LMF1: variants seen among roughly 807,000 people sequenced by gnomAD.
LMF1 encodes transmembrane protein 112.
Under a neutral mutation model 60.6 loss-of-function variants are expected in LMF1, and 68 were observed. The ratio of observed to expected loss-of-function variants is 1.12; its 90% CI spans 0.92 to 1.37. LMF1 has a LOEUF of 1.37. LMF1 is among the 40% of genes most tolerant of loss of function. LMF1 has a pLI of 0.00. For missense variants in LMF1, 948 were observed against 767.2 expected (o/e 1.24, Z -2.78); for synonymous variants, 418 against 324.7 (o/e 1.29, Z -3.09).
At chr16:919,881 G>A (rs1247278996) in intron 3 of LMF1, among the ~76,000 whole-genome samples, 1 of 152,098 alleles carries the variant, frequency 6.6e-6, no homozygotes, top group Non-Finnish European at 1.5e-5. Context: ...CTCCGCCCCG[G>A]GACCCCCTTC....
chr16:970,528 T>C (rs572576281), intron 1 of LMF1, among the ~76,000 whole-genome samples: 3 of 152,162 alleles, frequency 2.0e-5, no homozygotes, highest in East Asian at 3.9e-4. Flanking sequence ...GCCGTGCAAC[T>C]TCGGGGCTGC....
chr16:954,594 ACT>A lies in LMF1; in HGVS notation c.264_265del (p.Arg88SerfsTer75), dbSNP rs774545767. ...GTACTGCTGGAAGTTCTTCAGGAACACTCTGCAGGGAAGCAGCCCCCTGTCAC... is the reference window on the plus strand; with the variant it reads ...GTACTGCTGGAAGTTCTTCAGGAACACTGCAGGGAAGCAGCCCCCTGTCAC... On this transcript the variant is annotated frameshift_variant, in exon 2 of 11. Coordinates refer to ENST00000262301, the MANE Select transcript of LMF1 (RefSeq NM_022773.4). LOFTEE classifies it high-confidence loss of function. The A allele has an allele frequency of 1.9e-6, 3 of 1,612,578 alleles. No individual in the cohort carries two copies. Among genetic ancestry groups the A allele is most frequent in the Admixed American group, 1.7e-5 (1 of 60,004 alleles).
At chr16:856,455 C>A (rs2069187187) in intron 10 of LMF1, among the ~76,000 whole-genome samples, 1 of 152,190 alleles carries the variant, frequency 6.6e-6, no homozygotes, top group East Asian at 1.9e-4. Context: ...AATGCAGTCC[C>A]CAGGCAGGCC....
At chr16:975,464 G>A (rs4984741), upstream of LMF1, among the ~76,000 whole-genome samples, 46,189 of 152,112 alleles carry the variant, frequency 0.3, 7,502 homozygotes, top group South Asian at 0.48. Context: ...GGTCACCGAC[G>A]GCCACATTAA....
chr16:959,540 C>T (rs1243584505), intron 1 of LMF1, among the ~76,000 whole-genome samples: 1 of 152,232 alleles, frequency 6.6e-6, no homozygotes, highest in African/African-American at 2.4e-5. Flanking sequence ...GGGGAAGACC[C>T]GACCAGGAGG....
chr16:972,894 C>G (rs1004285930), upstream of LMF1, among the ~76,000 whole-genome samples: 5 of 152,220 alleles, frequency 3.3e-5, no homozygotes, highest in Admixed American at 6.5e-5. Context: ...AGGGTCTGCT[C>G]TCTTGAGACG....
chr16:949,899 A>C (rs2072392928), intron 2 of LMF1, among the ~76,000 whole-genome samples: 1 of 109,660 alleles, frequency 9.1e-6, no homozygotes, highest in South Asian at 3.8e-4. Context: ...ATCAGAGACA[A>C]CGACAGAGTC....
chr16:855,069 A>G, intron 10 of LMF1: 1 of 355,510 alleles, frequency 2.8e-6, no homozygotes, highest in Non-Finnish European at 5.4e-6. Context: ...TTGAGCCCCA[A>G]GTGTCCCCCG....
chr16:906,259 T>G (rs1038765767), intron 4 of LMF1, among the ~76,000 whole-genome samples: 1 of 152,216 alleles, frequency 6.6e-6, no homozygotes, highest in Non-Finnish European at 1.5e-5. Context: ...TGGTTAATAC[T>G]GAGTGTCAGC....
upstream of LMF1, among the ~76,000 whole-genome samples, chr16:971,756 G>T (rs187142575): frequency 6.6e-6 from 1 of 152,208 alleles, no homozygotes; most frequent in Non-Finnish European, 1.5e-5. Context: ...GGGGTCACAG[G>T]CATTCCTTAG....
In LMF1 at chr16:854,464, C is replaced by A; in HGVS notation, c.*68G>T. ...TTGGCGATGCCCAGCTTGGGCTGGG[C>A]GCAGGGAAGGGCAAACGTTGCTGAG... On this transcript the variant is annotated 3_prime_UTR_variant, in exon 11 of 11. Coordinates refer to ENST00000262301, the MANE Select transcript of LMF1 (RefSeq NM_022773.4). 6.8e-7 allele frequency: 1 copy of A among 1,468,832 alleles called. No homozygotes were observed. The highest frequency in any genetic ancestry group is 9.2e-7 in the Non-Finnish European group (1 of 1,082,160). 91.0% of individuals were successfully genotyped at this position (1,468,832 alleles called of 1,614,324 possible).
chr16:890,039 G>A (rs145344716), intron 5 of LMF1, among the ~76,000 whole-genome samples: 45 of 152,198 alleles, frequency 3.0e-4, no homozygotes, highest in South Asian at 1.0e-3. Flanking sequence ...TGGTGTCCTC[G>A]CTCTCCCCAC....
At position 954,670 on chromosome 16, in the gene LMF1, G is replaced by T. The variant is rs1376687792; in HGVS notation, c.194-4C>A. ...AAAGCCACCAGGAATGCCACGACTG[G>T]AAGAAAAAGAAGACAAAACAAGCAT... On this transcript the variant is annotated splice_polypyrimidine_tract_variant and splice_region_variant and intron_variant, in intron 1 of 10. Coordinates refer to ENST00000262301, the MANE Select transcript of LMF1 (RefSeq NM_022773.4). 2 of 1,577,870 alleles carry T rather than the reference G, an allele frequency of 1.3e-6. No individual in the cohort carries two copies. The highest frequency in any genetic ancestry group is 1.2e-5 in the South Asian group (1 of 85,776).
intron 2 of LMF1, among the ~76,000 whole-genome samples, chr16:939,677 C>T (rs1304844251): frequency 6.6e-6 from 1 of 152,250 alleles, no homozygotes; most frequent in Non-Finnish European, 1.5e-5. Context: ...ACCAAAGCTG[C>T]TGTAAGACAA....
upstream of LMF1, chr16:981,414 G>T: frequency 3.3e-6 from 1 of 300,264 alleles, no homozygotes. Context: ...CCGAGGACCC[G>T]CTTCCTAGCT....
Position 897,638 on chromosome 16 carries a change from C to A in LMF1, c.664-4566G>T. On this transcript the variant is annotated intron_variant, in intron 4 of 10. Coordinates refer to ENST00000262301, the MANE Select transcript of LMF1 (RefSeq NM_022773.4). The surrounding 1 kb of genome is among the most constrained non-coding windows in gnomAD (Gnocchi z 4.3). ...GGTCTCAGACTTGTTGCAACAGCCA[C>A]TGCTTCTCCCCGAGTGCTCTGAGAG... 6.6e-6 allele frequency among the ~76,000 whole-genome samples: 1 copy of A among 152,246 alleles called. No homozygotes were observed. The highest frequency in any genetic ancestry group is 1.9e-4 in the East Asian group (1 of 5,200).
intron 10 of LMF1, among the ~76,000 whole-genome samples, chr16:860,030 G>C (rs564994552): frequency 6.6e-6 from 1 of 150,498 alleles, no homozygotes; most frequent in African/African-American, 2.5e-5. Context: ...TTTCTCCTGA[G>C]CTTATCTGTC....
chr16:859,304 C>G (rs1596831446), intron 10 of LMF1, among the ~76,000 whole-genome samples: 1 of 36,254 alleles, frequency 2.8e-5, no homozygotes, highest in Non-Finnish European at 4.8e-5. Flanking sequence ...AGTGGTGTCT[C>G]GGGACGGGTG....
upstream of LMF1, chr16:981,343 AGAGAGTGTGT>A (rs1266259404): frequency 3.5e-3 from 812 of 232,612 alleles, 1 homozygote; most frequent in African/African-American, 5.5e-3. Flanking sequence ...AGAGAGAGAG[AGAGAGTGTGT>A]GTGTGTGTGT....
Sources: gnomAD v4.1 joint callset for allele counts (sites outside exome capture counted in the v4.1 genomes callset) on GRCh38, gnomAD v4.1.1 for gene constraint, Gnocchi (gnomAD v3.1) non-coding constraint, MANE v1.5 for transcripts, NCBI Gene and HGNC (gene_info 2026-07-23, HGNC 2026-07-21) for gene names.